The following ZFYVE26 variants were observed in gnomAD, a reference collection of about 807,000 sequenced individuals.
The protein encoded by ZFYVE26 is zinc finger FYVE domain-containing protein 26.
ZFYVE26 carries 181 observed loss-of-function variants against 276.5 expected under a neutral mutation model. The ratio of observed to expected loss-of-function variants is 0.65; its 90% confidence interval spans 0.58 to 0.74. The LOEUF (loss-of-function observed/expected upper bound fraction) is 0.74. Ranked by LOEUF, ZFYVE26 falls within the 30% of genes least tolerant of loss-of-function variation. ZFYVE26 has a pLI of 0.00. For missense variants in ZFYVE26, 2,821 were observed against 3,097.9 expected, an observed-to-expected ratio of 0.91 and a Z score of 2.12; for synonymous variants, 1,129 against 1,203.1, an observed-to-expected ratio of 0.94 and a Z score of 1.27.
chr14:67,783,621 A>G (rs2039569126), intron 20 of ZFYVE26, 96 bp from the exon 21 acceptor site: 11 of 1,497,620 alleles, frequency 7.3e-6, no homozygotes, highest in Non-Finnish European at 1.0e-5. Flanking sequence ...GCAAATGTAA[A>G]TAAAAGTTCC....
rs532977772 is a variant in ZFYVE26 at position 67,793,494 on chromosome 14, T to G, written c.2553+114A>C. On this transcript the variant is annotated intron_variant, in intron 14 of 41. Coordinates refer to ENST00000347230, the MANE Select transcript of ZFYVE26 (RefSeq NM_015346.4). ...ATGGAAACCCCCTCTTGCTTCTGCT[T>G]CTTCTGCTTGATGTGGACCCCTGAG... 15 of 1,227,108 alleles carry G rather than the reference T, an allele frequency of 1.2e-5. No individual in the cohort carries two copies. In the South Asian group the frequency reaches 1.4e-4, roughly 12 times the overall value. The allele number at this position is 1,227,108 out of a possible 1,614,324, so 76.0% of individuals were successfully genotyped here.
rs762115443 is a variant in ZFYVE26, at chr14:67,772,019, G to A, written c.5484+28C>T. 1.1e-5 allele frequency: 18 copies of A among 1,607,774 alleles called. No individual in the cohort carries two copies. In the Admixed American group the frequency reaches 2.7e-4, roughly 24 times the overall value. ...GAATTCTCCTTTACCTTCTCCTGAG[G>A]GTGACAGTGGAGACCGATGCTGCTT... On this transcript the variant is annotated intron_variant, in intron 28 of 41. Coordinates refer to ENST00000347230, the MANE Select transcript of ZFYVE26 (RefSeq NM_015346.4).
At position 67,747,366 on chromosome 14, in the gene ZFYVE26, G is replaced by A. The variant is rs936753645; in HGVS notation, c.*1070C>T. On this transcript the variant is annotated 3_prime_UTR_variant, in exon 42 of 42. Transcript: ENST00000347230. The stretch of plus-strand genomic sequence containing the variant: ...CTTTTCTAAGACAGAGAAAAGAAGC[G>A]CACTCCCTTCCCAATGACCCCACAT... 2 of 152,144 alleles carry A rather than the reference G, an allele frequency of 1.3e-5. No homozygotes were observed. Among genetic ancestry groups the A allele is most frequent in the African/African-American group, 4.8e-5 (2 of 41,408 alleles). The allele number at this position is 152,144 out of a possible 1,614,324, so 9.4% of individuals were successfully genotyped here. A position where few individuals can be genotyped will look rare whatever the true frequency, so the allele number is the denominator to read the frequency against.
Position 67,776,157 on chromosome 14 carries a change from GA to G in ZFYVE26, c.4975-52del, listed in dbSNP as rs554421932. 1,984 of 1,612,068 alleles carry G rather than the reference GA, an allele frequency of 1.2e-3. 4 individuals are homozygous for G. Among genetic ancestry groups the G allele is most frequent in the Middle Eastern group, 2.0e-3 (12 of 5,912 alleles). ...TAAAGAAAATAGTACACAAATTTCA[GA>G]AAAAACTCAAGATTCTCACTGGGAA... On this transcript the variant is annotated intron_variant, in intron 25 of 41. Coordinates refer to ENST00000347230, the MANE Select transcript of ZFYVE26 (RefSeq NM_015346.4).
rs115175276 is a variant in ZFYVE26 at position 67,805,136 on chromosome 14, C to T, written c.1271+81G>A. On this transcript the variant is annotated intron_variant, in intron 8 of 41. Coordinates refer to ENST00000347230, the MANE Select transcript of ZFYVE26 (RefSeq NM_015346.4). ...CAACTCAAAACATTTATGTGGAAAACGCCTTGAAATGGCCACACATGCGGA... is the reference window on the plus strand; with the variant it reads ...CAACTCAAAACATTTATGTGGAAAATGCCTTGAAATGGCCACACATGCGGA... 1.1e-3 allele frequency: 1,554 copies of T among 1,360,576 alleles called. 16 individuals are homozygous for T. In the African/African-American group the frequency reaches 0.02, roughly 18 times the overall value. The allele number at this position is 1,360,576 out of a possible 1,614,324, so 84.3% of individuals were successfully genotyped here. A position where few individuals can be genotyped will look rare whatever the true frequency, so the allele number is the denominator to read the frequency against.
chr14:67,805,227 GTA>G lies in ZFYVE26; in HGVS notation c.1259_1260del (p.Ile420ThrfsTer59). Reference sequence around the variant, plus strand: ...TGCACAGGGCCATACCTGCTCTGCTGTATGCACCACTCCAGGACCTCCAGGTG... The same window carrying G: ...TGCACAGGGCCATACCTGCTCTGCTGTGCACCACTCCAGGACCTCCAGGTG... ...WAHLEVLEWC[I>X]QQSSNPIPKR... On this transcript the variant is annotated frameshift_variant, in exon 8 of 42. Transcript: ENST00000347230. LOFTEE classifies it high-confidence loss of function. 6.2e-7 allele frequency: 1 copy of G among 1,613,920 alleles called. No homozygotes were observed.
chr14:67,765,439 A>G (rs1467652115), intron 32 of ZFYVE26, among the ~76,000 whole-genome samples: 1 of 152,172 alleles, frequency 6.6e-6, no homozygotes, highest in Non-Finnish European at 1.5e-5. Context: ...GAAGTCGTGA[A>G]GCTGGGATTT....
At chr14:67,757,684 C>CTTTCTTTCTTTCTTTCTT (rs1566865449) in intron 35 of ZFYVE26, among the ~76,000 whole-genome samples, 1 of 100,736 alleles carries the variant, frequency 9.9e-6, no homozygotes, top group African/African-American at 4.0e-5. Flanking sequence ...CTTTCTTTCT[C>CTTTCTTTCTTTCTTTCTT]TCTCTCTTTC....
chr14:67,752,178 T>C (rs2038663903), intron 40 of ZFYVE26, among the ~76,000 whole-genome samples, 166 bp downstream of exon 40: 1 of 152,184 alleles, frequency 6.6e-6, no homozygotes, highest in Non-Finnish European at 1.5e-5. Flanking sequence ...AAATTTTCTT[T>C]ACAGGGAAGG....
At chr14:67,734,786 G>A (rs1012615471) in intron 13 of ZFYVE26, among the ~76,000 whole-genome samples, 4 of 152,174 alleles carry the variant, frequency 2.6e-5, no homozygotes, top group Non-Finnish European at 5.9e-5. Flanking sequence ...TCTTCCCCTT[G>A]AGTTTTAGGA....
At chr14:67,763,905 G>A (rs1283366157) in intron 32 of ZFYVE26, among the ~76,000 whole-genome samples, 1 of 152,174 alleles carries the variant, frequency 6.6e-6, no homozygotes, top group Admixed American at 6.5e-5. Flanking sequence ...TCGTGAGTGA[G>A]AGAGCACAGA....
At chr14:67,774,747 C>G (rs1209218119) in intron 27 of ZFYVE26, among the ~76,000 whole-genome samples, 1 of 152,108 alleles carries the variant, frequency 6.6e-6, no homozygotes, top group Non-Finnish European at 1.5e-5. Context: ...TACGTGTATA[C>G]ATGTACACAT....
rs1421201404 is a variant in ZFYVE26, at chr14:67,778,164, G to A, written c.4759C>T (p.His1587Tyr). The change falls in exon 24 of 42, where the codon CAC becomes TAC. Residue 1587 changes from histidine to tyrosine, a missense_variant. Physicochemically the swap from His to Tyr is moderately conservative, Grantham distance 83. Coordinates refer to ENST00000347230, the MANE Select transcript of ZFYVE26 (RefSeq NM_015346.4). ...TCATGATCTCTTCTTTCTAGAAGGT[G>A]GAGAAGATGCTTTTGATGAAGGCTG... The part of the protein sequence containing the change: ...LISLHQKHLL[H>Y]LLERRDHDKA... 4 of 1,614,078 alleles carry A rather than the reference G, an allele frequency of 2.5e-6. No individual in the cohort carries two copies. In the African/African-American group the frequency reaches 4.0e-5, roughly 16 times the overall value.
rs758842694 is a variant in ZFYVE26, at chr14:67,783,167, C to A, written c.3985G>T (p.Val1329Phe). 1.2e-6 allele frequency: 2 copies of A among 1,609,116 alleles called. No homozygotes were observed. The highest frequency in any genetic ancestry group is 1.7e-6 in the Non-Finnish European group (2 of 1,176,736). The change falls in exon 21 of 42, where the codon GTC becomes TTC. Residue 1329 changes from valine to phenylalanine, a missense_variant. Physicochemically the swap from Val to Phe is conservative, Grantham distance 50. Coordinates refer to ENST00000347230, the MANE Select transcript of ZFYVE26 (RefSeq NM_015346.4). ...ACLGASPRLK[V>F]SKPSLSWKEL... ...TTCCATGACAAGCTGGGTTTGCTGA[C>A]CTTTAACCTCGGGGAAGCCCCCAGG...
chr14:67,787,302 G>T (rs2039684181), intron 16 of ZFYVE26, among the ~76,000 whole-genome samples: 1 of 152,004 alleles, frequency 6.6e-6, no homozygotes, highest in Non-Finnish European at 1.5e-5. Context: ...GCTGCAGTGA[G>T]CCGAGATGGC....
chr14:67,734,131 T>G (rs2038322885), intron 13 of ZFYVE26: 12 of 341,240 alleles, frequency 3.5e-5, no homozygotes, highest in South Asian at 3.2e-4. Context: ...AGGCTGGGCA[T>G]GGGGGTGGCA....
At chr14:67,771,964 C>A (rs12323569) in intron 28 of ZFYVE26, 83 bp downstream of exon 28, 8 of 1,526,612 alleles carry the variant, frequency 5.2e-6, no homozygotes, top group South Asian at 1.2e-5. Context: ...TGGGGACAGG[C>A]GGTGATTGTA....
At chr14:67,801,974 G>T in intron 10 of ZFYVE26, 105 bp downstream of exon 10, 3 of 1,282,712 alleles carry the variant, frequency 2.3e-6, no homozygotes, top group Non-Finnish European at 3.4e-6. Context: ...TAAAACCAAG[G>T]CCATCACCCC....
chr14:67,805,399 C>T (rs929217839), intron 7 of ZFYVE26, 55 bp downstream of exon 7: 14 of 1,613,674 alleles, frequency 8.7e-6, no homozygotes, highest in East Asian at 4.5e-5. Flanking sequence ...AGCCTAAGCC[C>T]GAAGCCCCAC....
Sources: gnomAD v4.1 joint callset for allele counts (sites outside exome capture counted in the v4.1 genomes callset) on GRCh38, gnomAD v4.1.1 for gene constraint, MANE v1.5 for transcripts, NCBI Gene and HGNC (gene_info 2026-07-23, HGNC 2026-07-21) for gene names.